TRIM2: variants seen among roughly 807,000 people sequenced by gnomAD.
TRIM2 encodes tripartite motif-containing protein 2.
A neutral mutation model predicts 75.2 loss-of-function variants in TRIM2; 20 were observed. The ratio of observed to expected loss-of-function variants is 0.27; its 90% CI spans 0.19 to 0.39. The LOEUF is 0.39. TRIM2 is among the 10% of genes least tolerant of loss of function. TRIM2 has a pLI of 1.00. For missense variants in TRIM2, 660 were observed against 990.8 expected (o/e 0.67, Z 4.48); for synonymous variants, 373 against 388.3 (o/e 0.96, Z 0.46).
chr4:153,312,048 A>G (rs538202753), intron 6 of TRIM2, among the ~76,000 whole-genome samples: 1,798 of 149,054 alleles, frequency 0.012, 40 homozygotes, highest in African/African-American at 0.042. Flanking sequence ...ATATCTCCCA[A>G]TGCTATCCCT....
At chr4:153,173,951 T>C (rs557305772) in intron 1 of TRIM2, among the ~76,000 whole-genome samples, 1 of 152,048 alleles carries the variant, frequency 6.6e-6, no homozygotes, top group South Asian at 2.1e-4. Flanking sequence ...GGTGACAAAG[T>C]GAGACTGTCT....
At chr4:153,322,377 C>T (rs956563544) in intron 8 of TRIM2, among the ~76,000 whole-genome samples, 38 of 152,092 alleles carry the variant, frequency 2.5e-4, no homozygotes, top group African/African-American at 8.7e-4. Context: ...CACCACTGCA[C>T]TCCAGCTGGG....
chr4:153,214,966 C>T (rs1021180687), intron 1 of TRIM2, among the ~76,000 whole-genome samples: 58 of 152,182 alleles, frequency 3.8e-4, no homozygotes, highest in African/African-American at 1.4e-3. Context: ...AAATCTACAA[C>T]GATCAGTCAT....
intron 1 of TRIM2, among the ~76,000 whole-genome samples, chr4:153,184,429 CG>C (rs1387609170): frequency 6.6e-6 from 1 of 152,138 alleles, no homozygotes; most frequent in Non-Finnish European, 1.5e-5. Context: ...CTTATGACCT[CG>C]TTTAACTTAA....
chr4:153,191,912 T>G (rs1185423874), intron 1 of TRIM2, among the ~76,000 whole-genome samples: 1 of 152,212 alleles, frequency 6.6e-6, no homozygotes, highest in Non-Finnish European at 1.5e-5. Context: ...GAAATGGGTA[T>G]GAGCATAGAA....
chr4:153,266,268 CA>C (rs1755039028), intron 1 of TRIM2, among the ~76,000 whole-genome samples: 1 of 151,852 alleles, frequency 6.6e-6, no homozygotes, highest in Non-Finnish European at 1.5e-5. Flanking sequence ...CTCCCGAGCT[CA>C]AGCACTCCTC....
chr4:153,161,911 G>GA (rs1729775114), intron 1 of TRIM2, among the ~76,000 whole-genome samples: 1 of 152,094 alleles, frequency 6.6e-6, no homozygotes, highest in Non-Finnish European at 1.5e-5. Flanking sequence ...CCATCCACTA[G>GA]AAAAAAATGA....
chr4:153,250,779 G>C (rs1360357386), intron 1 of TRIM2, among the ~76,000 whole-genome samples: 1 of 152,238 alleles, frequency 6.6e-6, no homozygotes, highest in East Asian at 1.9e-4. Context: ...GGAGTCAGGG[G>C]TGCTTGACCT....
At chr4:153,233,214 T>C (rs1744125016) in intron 1 of TRIM2, among the ~76,000 whole-genome samples, 2 of 151,078 alleles carry the variant, frequency 1.3e-5, no homozygotes, top group South Asian at 4.2e-4. Context: ...AGAAAAAGAG[T>C]TTCCAGTAGA....
At chr4:153,315,702 T>A (rs1767436283) in intron 7 of TRIM2, 114 bp downstream of exon 7, 3 of 1,447,434 alleles carry the variant, frequency 2.1e-6, no homozygotes, top group Non-Finnish European at 1.9e-6. Context: ...AGCTTATGTT[T>A]ATGTAGACTT....
upstream of TRIM2, among the ~76,000 whole-genome samples, chr4:153,201,402 T>C (rs959833575): frequency 6.6e-6 from 1 of 152,208 alleles, no homozygotes; most frequent in African/African-American, 2.4e-5. Context: ...TTGTTTGTCT[T>C]TTTATTGTTG....
chr4:153,198,406 T>C (rs990326743), intron 1 of TRIM2, among the ~76,000 whole-genome samples: 5 of 152,174 alleles, frequency 3.3e-5, no homozygotes, highest in Non-Finnish European at 7.3e-5. Context: ...GTTTCTGCTT[T>C]TGCTTCCCCC....
chr4:153,324,923 G>A (rs1426217977), intron 10 of TRIM2, among the ~76,000 whole-genome samples: 1 of 152,118 alleles, frequency 6.6e-6, no homozygotes, highest in Non-Finnish European at 1.5e-5. Context: ...AAGTGATGCT[G>A]TTTTGCACTT....
chr4:153,267,811 G>A (rs561415447), intron 1 of TRIM2, among the ~76,000 whole-genome samples: 8 of 136,948 alleles, frequency 5.8e-5, no homozygotes, highest in African/African-American at 1.9e-4. Context: ...TCTTTCTTTC[G>A]TAACCACCCA....
At chr4:153,165,466 G>A (rs890294543) in intron 1 of TRIM2, among the ~76,000 whole-genome samples, 10 of 151,978 alleles carry the variant, frequency 6.6e-5, no homozygotes, top group African/African-American at 2.4e-4. Context: ...AAGTAACTGG[G>A]ACTACGAACA....
At chr4:153,302,860 G>A (rs1400886532) in intron 6 of TRIM2, among the ~76,000 whole-genome samples, 1 of 152,166 alleles carries the variant, frequency 6.6e-6, no homozygotes, top group Non-Finnish European at 1.5e-5. Flanking sequence ...GTCAAGGATG[G>A]TGTCTTTAAT....
rs770000289 is a variant in TRIM2, at chr4:153,295,384, G to A, written c.858G>A (p.Ala286=). 4.2e-5 allele frequency: 68 copies of A among 1,613,774 alleles called. No homozygotes were observed. Among genetic ancestry groups the A allele is most frequent in the Non-Finnish European group, 5.0e-5 (59 of 1,179,908 alleles). The change falls in exon 6 of 12, where the codon GCG becomes GCA. Residue 286 remains alanine (A), a synonymous_variant. Coordinates refer to ENST00000338700, the MANE Select transcript of TRIM2 (RefSeq NM_015271.5). This position sits in a 1 kb window ranked among gnomAD's most constrained non-coding sequence, Gnocchi z 7.2. ...TTAAGAGCTGCAGCAACTTCACAGC[G>A]CAGGCCCTCAACCATGGCACGGAGA... The part of the protein sequence containing the change: ...ESIKSCSNFT[A]QALNHGTETE...
intron 1 of TRIM2, among the ~76,000 whole-genome samples, chr4:153,159,296 CTTTTTTTTT>C (rs11318531): frequency 1.1e-4 from 10 of 89,176 alleles, no homozygotes; most frequent in African/African-American, 4.4e-4. Context: ...TTTACAAAAT[CTTTTTTTTT>C]TTTTTTTTTT....
intron 11 of TRIM2, among the ~76,000 whole-genome samples, chr4:153,331,549 C>T (rs967260316): frequency 2.0e-5 from 3 of 152,146 alleles, no homozygotes; most frequent in Non-Finnish European, 4.4e-5. Context: ...TTGCAAGACT[C>T]AACAATGATG....
Sources: gnomAD v4.1 joint callset for allele counts (sites outside exome capture counted in the v4.1 genomes callset) on GRCh38, gnomAD v4.1.1 for gene constraint, Gnocchi (gnomAD v3.1) non-coding constraint, MANE v1.5 for transcripts, NCBI Gene and HGNC (gene_info 2026-07-23, HGNC 2026-07-21) for gene names.